UNC5C: variants seen among roughly 807,000 people sequenced by gnomAD.
UNC5C encodes the protein unc-5 netrin receptor C, also known as netrin receptor UNC5C.
In UNC5C, 47 loss-of-function variants were observed where a neutral mutation model predicts 99.8. The ratio of observed to expected loss-of-function variants is 0.47; its 90% confidence interval spans 0.37 to 0.60. UNC5C has a LOEUF of 0.60. UNC5C is among the 20% of genes least tolerant of loss of function. UNC5C has a pLI of 0.00. For synonymous variants in UNC5C, 487 were observed against 452.2 expected (o/e 1.08, Z -0.98); for missense variants, 1,062 against 1,165.9 (o/e 0.91, Z 1.30).
Position 95,481,414 on chromosome 4 carries a change from C to T in UNC5C, c.124+67320G>A, listed in dbSNP as rs531038084. Among the ~76,000 whole-genome samples the T allele has an allele frequency of 4.1e-3, 629 of 151,894 alleles. 5 individuals carry two copies. The highest frequency in any genetic ancestry group is 0.015 in the African/African-American group (601 of 41,440). On this transcript the variant is annotated intron_variant, in intron 1 of 15. Transcript: ENST00000453304. Reference sequence around the variant, plus strand: ...GCTCATGGGTAGGAAGAATCAATATCGTGAAAATGGCCATACTGCCCAAGG... The same window carrying T: ...GCTCATGGGTAGGAAGAATCAATATTGTGAAAATGGCCATACTGCCCAAGG...
chr4:95,347,831 T>C (rs1743836089), intron 1 of UNC5C, among the ~76,000 whole-genome samples: 1 of 152,056 alleles, frequency 6.6e-6, no homozygotes, highest in Non-Finnish European at 1.5e-5. Flanking sequence ...GGGGAAACTC[T>C]GCAGGACATT....
At chr4:95,223,712 C>G (rs943576364) in intron 7 of UNC5C, among the ~76,000 whole-genome samples, 4 of 152,042 alleles carry the variant, frequency 2.6e-5, no homozygotes, top group African/African-American at 9.7e-5. Context: ...TTTTAAACAC[C>G]ACTGCCTGGT....
chr4:95,271,746 G>T (rs1740674976), intron 4 of UNC5C, among the ~76,000 whole-genome samples: 1 of 152,232 alleles, frequency 6.6e-6, no homozygotes, highest in African/African-American at 2.4e-5. Context: ...TCTTTTAAAG[G>T]TGAATGTCAG....
chr4:95,540,085 A>G (rs551523698), intron 1 of UNC5C, among the ~76,000 whole-genome samples: 116 of 152,262 alleles, frequency 7.6e-4, no homozygotes, highest in African/African-American at 2.7e-3. Flanking sequence ...ATTTTATAAA[A>G]CCCCTGGAGG....
chr4:95,540,807 T>C (rs1467440350), intron 1 of UNC5C, among the ~76,000 whole-genome samples: 3 of 152,208 alleles, frequency 2.0e-5, no homozygotes, highest in Non-Finnish European at 2.9e-5. Flanking sequence ...TTTCCAATCA[T>C]AAAGTTTTTG....
intron 1 of UNC5C, among the ~76,000 whole-genome samples, chr4:95,470,778 A>C (rs1377437867): frequency 1.3e-5 from 2 of 152,172 alleles, no homozygotes; most frequent in Admixed American, 1.3e-4. Flanking sequence ...ACGATAAAGA[A>C]AAGCCATTTC....
chr4:95,197,120 ATATC>A lies in UNC5C; in HGVS notation c.2136+5607_2136+5610del, dbSNP rs1272186063. On this transcript the variant is annotated intron_variant, in intron 12 of 15. Transcript: ENST00000453304. ...ATTTATATATTATATATGTAATTAT[ATATC>A]TATAGGATATATACTTATATAAATA... 7.5e-5 allele frequency among the ~76,000 whole-genome samples: 10 copies of A among 133,856 alleles called. No individual in the cohort carries two copies. The East Asian group carries it at 1.2e-3, about 17-fold the overall frequency. The allele number at this position is 133,856 out of a possible 152,430, so 87.8% of individuals were successfully genotyped here. A position where few individuals can be genotyped will look rare whatever the true frequency, so the allele number is the denominator to read the frequency against.
intron 1 of UNC5C, among the ~76,000 whole-genome samples, chr4:95,354,479 A>ATATATATATATATATATATTTTTT: frequency 9.1e-6 from 1 of 110,352 alleles, no homozygotes; most frequent in African/African-American, 4.0e-5. Context: ...ATATATATAT[A>ATATATATATATATATATATTTTTT]TTTTTTTTTT....
At chr4:95,379,178 A>C (rs370816515) in intron 1 of UNC5C, among the ~76,000 whole-genome samples, 1 of 152,076 alleles carries the variant, frequency 6.6e-6, no homozygotes, top group African/African-American at 2.4e-5. Flanking sequence ...CACCCCAGAG[A>C]CTCCATGCCT....
At chr4:95,245,333 G>GA (rs567583946) in intron 5 of UNC5C, among the ~76,000 whole-genome samples, 189 bp from the exon 6 acceptor site, 23 of 148,442 alleles carry the variant, frequency 1.5e-4, no homozygotes, top group Non-Finnish European at 2.2e-4. Context: ...TATAGACAGA[G>GA]AAAAAAAAAA....
At chr4:95,291,593 G>T (rs1276457288) in intron 3 of UNC5C, among the ~76,000 whole-genome samples, 1 of 152,088 alleles carries the variant, frequency 6.6e-6, no homozygotes, top group African/African-American at 2.4e-5. Context: ...CTAAGAATTT[G>T]TGGGGCATCC....
intron 1 of UNC5C, among the ~76,000 whole-genome samples, chr4:95,413,838 C>G (rs1368752449): frequency 6.6e-6 from 1 of 152,158 alleles, no homozygotes; most frequent in Non-Finnish European, 1.5e-5. Flanking sequence ...TACTGCACAC[C>G]CTGCAAATGT....
intron 1 of UNC5C, among the ~76,000 whole-genome samples, chr4:95,405,820 C>T (rs1425799046): frequency 6.6e-6 from 1 of 152,060 alleles, no homozygotes; most frequent in Non-Finnish European, 1.5e-5. Flanking sequence ...TTCTCACTGC[C>T]TTTACTATTA....
At chr4:95,533,381 A>G (rs530626376) in intron 1 of UNC5C, among the ~76,000 whole-genome samples, 5 of 152,048 alleles carry the variant, frequency 3.3e-5, no homozygotes, top group African/African-American at 1.2e-4. Context: ...GGGCAATAAG[A>G]GCAGAACTCC....
intron 1 of UNC5C, among the ~76,000 whole-genome samples, chr4:95,363,826 T>C (rs1366087739): frequency 6.6e-6 from 1 of 152,152 alleles, no homozygotes; most frequent in Non-Finnish European, 1.5e-5. Context: ...TTAGACCTAA[T>C]CACCTCTTTC....
chr4:95,540,567 A>G (rs191836313), intron 1 of UNC5C, among the ~76,000 whole-genome samples: 16 of 152,330 alleles, frequency 1.1e-4, no homozygotes, highest in Non-Finnish European at 1.5e-4. Context: ...GAAAGTTGCT[A>G]AATAAAATGA....
At chr4:95,536,107 C>T (rs1163237151) in intron 1 of UNC5C, among the ~76,000 whole-genome samples, 10 of 146,210 alleles carry the variant, frequency 6.8e-5, no homozygotes, top group South Asian at 2.2e-4. Context: ...GATGGAGTCT[C>T]GCTCTTGTCA....
intron 1 of UNC5C, among the ~76,000 whole-genome samples, chr4:95,548,394 G>C (rs1297757965): frequency 6.6e-6 from 1 of 151,872 alleles, no homozygotes. Context: ...CCAAACCTCC[G>C]TGTGTGCAAT....
intron 2 of UNC5C, among the ~76,000 whole-genome samples, chr4:95,303,916 G>A (rs1046826683): frequency 1.3e-5 from 2 of 152,094 alleles, no homozygotes; most frequent in African/African-American, 4.8e-5. Context: ...TGACAGGAGA[G>A]GGTATATTTT....
Sources: gnomAD v4.1 joint callset for allele counts (sites outside exome capture counted in the v4.1 genomes callset) on GRCh38, gnomAD v4.1.1 for gene constraint, MANE v1.5 for transcripts, NCBI Gene and HGNC (gene_info 2026-07-23, HGNC 2026-07-21) for gene names.